The following DSCAM variants were observed in gnomAD, a reference collection of about 807,000 sequenced individuals.
DSCAM encodes cell adhesion molecule DSCAM.
DSCAM carries 47 observed loss-of-function variants against 217.7 expected under a neutral mutation model. The ratio of observed to expected loss-of-function variants is 0.22; its 90% CI spans 0.17 to 0.28. The LOEUF (loss-of-function observed/expected upper bound fraction) is 0.28, where lower values mean the gene tolerates loss of function less well. Ranked by LOEUF, DSCAM falls within the 10% of genes least tolerant of loss-of-function variation. The probability of loss-of-function intolerance (pLI) is 1.00; values close to 1 mark genes in which losing one functional copy is unlikely to be tolerated. For synonymous variants in DSCAM, 1,056 were observed against 1,015.3 expected (o/e 1.04, Z -0.76); for missense variants, 2,080 against 2,618.3 (o/e 0.79, Z 4.49).
At chr21:40,693,227 G>C (rs1056956319) in intron 2 of DSCAM, among the ~76,000 whole-genome samples, 2 of 152,140 alleles carry the variant, frequency 1.3e-5, no homozygotes, top group Non-Finnish European at 2.9e-5. Context: ...TTGTGCCCAG[G>C]AGTTCAAGAC....
At chr21:40,277,833 C>T (rs1364247667) in intron 10 of DSCAM, among the ~76,000 whole-genome samples, 2 of 143,932 alleles carry the variant, frequency 1.4e-5, no homozygotes, top group African/African-American at 5.2e-5. Context: ...CACGGCGCTG[C>T]ACTCCAGCCT....
At chr21:40,722,536 T>C (rs2090912555) in intron 1 of DSCAM, among the ~76,000 whole-genome samples, 2 of 152,100 alleles carry the variant, frequency 1.3e-5, no homozygotes, top group South Asian at 4.1e-4. Flanking sequence ...AACTTACATG[T>C]TAATCCTTTA....
intron 3 of DSCAM, among the ~76,000 whole-genome samples, chr21:40,482,736 T>C (rs183921390): frequency 1.6e-4 from 24 of 152,292 alleles, no homozygotes; most frequent in South Asian, 4.1e-4. Context: ...TTATTTTATA[T>C]GGAAGCCCCC....
intron 28 of DSCAM, 89 bp from the exon 29 acceptor site, chr21:40,055,929 G>T: frequency 1.1e-6 from 1 of 914,702 alleles, no homozygotes; most frequent in Non-Finnish European, 1.8e-6. Flanking sequence ...TTAGTTTATT[G>T]TCTAAATATA....
At chr21:40,699,180 T>A (rs116384775) in intron 2 of DSCAM, among the ~76,000 whole-genome samples, 1 of 152,174 alleles carries the variant, frequency 6.6e-6, no homozygotes. Context: ...CAGTGATCTT[T>A]GATATTACTA....
intron 1 of DSCAM, among the ~76,000 whole-genome samples, chr21:40,784,880 A>T (rs2091579645): frequency 6.6e-6 from 1 of 152,240 alleles, no homozygotes; most frequent in South Asian, 2.1e-4. Flanking sequence ...AGAAGCACAC[A>T]GGTGTGACAT....
chr21:40,114,102 C>G (rs1459159400), intron 20 of DSCAM, among the ~76,000 whole-genome samples: 2 of 150,848 alleles, frequency 1.3e-5, no homozygotes, highest in East Asian at 3.9e-4. Flanking sequence ...CCCGCATCGC[C>G]AAGTCAATCC....
intron 3 of DSCAM, among the ~76,000 whole-genome samples, chr21:40,379,056 A>G (rs1018047292): frequency 2.6e-5 from 4 of 152,208 alleles, no homozygotes; most frequent in Admixed American, 2.6e-4. Flanking sequence ...GTTACATAAC[A>G]ATCTGTAATG....
rs767107506 is a variant in DSCAM at position 40,369,205 on chromosome 21, A to G, written c.549T>C (p.Ile183=). 4 of 1,612,110 alleles carry G rather than the reference A, an allele frequency of 2.5e-6. No homozygotes were observed. In the Admixed American group the frequency reaches 6.7e-5, roughly 27 times the overall value. The change falls in exon 4 of 33, where the codon ATT becomes ATC. Residue 183 remains isoleucine (I), a synonymous_variant. Coordinates refer to ENST00000400454, the MANE Select transcript of DSCAM (RefSeq NM_001389.5). ...ATCCATCTTCATTCTGTACATCTTT[A>G]ATATACAAGGCTCCCGTGGATGTGA... ...FLITSTGALY[I]KDVQNEDGLY... is the part of the protein sequence containing the mutation.
At chr21:40,429,903 C>A (rs539318277) in intron 3 of DSCAM, among the ~76,000 whole-genome samples, 24 of 152,250 alleles carry the variant, frequency 1.6e-4, no homozygotes, top group South Asian at 1.2e-3. Context: ...TTCCTTAATG[C>A]AATTTTGGGT....
At chr21:40,268,682 C>CT (rs1404597360) in intron 11 of DSCAM, among the ~76,000 whole-genome samples, 1 of 152,066 alleles carries the variant, frequency 6.6e-6, no homozygotes, top group African/African-American at 2.4e-5. Flanking sequence ...GCTGTGGTGG[C>CT]TCATGCCTGT....
chr21:40,698,002 A>G (rs1436363625), intron 2 of DSCAM, among the ~76,000 whole-genome samples: 1 of 152,156 alleles, frequency 6.6e-6, no homozygotes, highest in Non-Finnish European at 1.5e-5. Context: ...TGTCCTCTTC[A>G]ATTTCTTTCA....
At chr21:40,314,682 A>G (rs1280519605) in intron 8 of DSCAM, among the ~76,000 whole-genome samples, 1 of 152,214 alleles carries the variant, frequency 6.6e-6, no homozygotes. Context: ...CCTGGACACA[A>G]AAACCTGGTT....
chr21:40,308,002 G>A (rs2074098146), intron 9 of DSCAM, among the ~76,000 whole-genome samples: 1 of 151,594 alleles, frequency 6.6e-6, no homozygotes, highest in Non-Finnish European at 1.5e-5. Context: ...GTTGATGGGT[G>A]CAGCACACCA....
chr21:40,700,052 T>C (rs2146464856), intron 2 of DSCAM, among the ~76,000 whole-genome samples: 1 of 152,376 alleles, frequency 6.6e-6, no homozygotes, highest in East Asian at 1.9e-4. Context: ...TTAATGCAGC[T>C]GATGACTAAG....
intron 32 of DSCAM, among the ~76,000 whole-genome samples, chr21:40,023,586 TTG>T (rs1158363652): frequency 8.4e-6 from 1 of 119,320 alleles, no homozygotes; most frequent in Non-Finnish European, 1.7e-5. Flanking sequence ...TGGTATCTCA[TTG>T]TGGTTTTGAT....
At chr21:40,260,247 G>A (rs559414396) in intron 11 of DSCAM, among the ~76,000 whole-genome samples, 7 of 152,180 alleles carry the variant, frequency 4.6e-5, no homozygotes, top group South Asian at 2.1e-4. Flanking sequence ...GTAGCCAAAC[G>A]GATAGCCACA....
chr21:40,213,780 G>A (rs906920485), intron 11 of DSCAM, among the ~76,000 whole-genome samples: 6 of 152,104 alleles, frequency 3.9e-5, no homozygotes, highest in Non-Finnish European at 8.8e-5. Flanking sequence ...TCCAAGACAT[G>A]CAGGATCATG....
Position 40,071,380 on chromosome 21 carries a change from G to T in DSCAM, c.4888+3657C>A, listed in dbSNP as rs116149446. Among the ~76,000 whole-genome samples, 1,118 of 152,222 alleles carry T rather than the reference G, an allele frequency of 7.3e-3. 17 individuals carry two copies. The highest frequency in any genetic ancestry group is 0.026 in the African/African-American group (1,075 of 41,546). On this transcript the variant is annotated intron_variant, in intron 27 of 32. Transcript: ENST00000400454. ...TCAGGAAGAGAGAATATAGGTTGAC[G>T]ACACTGCTAGAGTCCCATTTTCTTT...
Sources: gnomAD v4.1 joint callset for allele counts (sites outside exome capture counted in the v4.1 genomes callset) on GRCh38, gnomAD v4.1.1 for gene constraint, MANE v1.5 for transcripts, NCBI Gene and HGNC (gene_info 2026-07-23, HGNC 2026-07-21) for gene names.